L3MBTL4: variants seen among roughly 807,000 people sequenced by gnomAD.
L3MBTL4 encodes the protein L3MBTL histone methyl-lysine binding protein 4.
In L3MBTL4, 70 loss-of-function variants were observed where a neutral mutation model predicts 84.5. The observed-to-expected ratio is 0.83, with a 90% CI of 0.68 to 1.01. L3MBTL4 has a LOEUF of 1.01. Ranked by LOEUF, L3MBTL4 falls within the 50% of genes least tolerant of loss-of-function variation. L3MBTL4 has a pLI of 0.00. For synonymous variants in L3MBTL4, 274 were observed against 259.8 expected, an observed-to-expected ratio of 1.05 and a Z score of -0.52; for missense variants, 715 against 754.8, an observed-to-expected ratio of 0.95 and a Z score of 0.62.
At position 6,177,442 on chromosome 18, in the gene L3MBTL4, G is replaced by A. The variant is rs1334387224; in HGVS notation, c.982-5500C>T. 2.0e-5 allele frequency among the ~76,000 whole-genome samples: 3 copies of A among 152,224 alleles called. No homozygotes were observed. The East Asian group carries it at 5.8e-4, about 29-fold the overall frequency. On this transcript the variant is annotated intron_variant, in intron 12 of 18. Transcript: ENST00000317931. Reference sequence around the variant, plus strand: ...AAACCAGGTCCATGGTTGTCTGGGAGAAGGATGGGAGCAGGACTGGCTGAG... The same window carrying A: ...AAACCAGGTCCATGGTTGTCTGGGAAAAGGATGGGAGCAGGACTGGCTGAG...
intron 7 of L3MBTL4, among the ~76,000 whole-genome samples, chr18:6,242,609 G>A (rs1026871734): frequency 1.3e-5 from 2 of 152,150 alleles, no homozygotes; most frequent in Non-Finnish European, 2.9e-5. Context: ...TGGATAACTA[G>A]GAATAAAGGA....
At chr18:6,164,521 C>T (rs2043540452) in intron 13 of L3MBTL4, among the ~76,000 whole-genome samples, 1 of 152,190 alleles carries the variant, frequency 6.6e-6, no homozygotes, top group African/African-American at 2.4e-5. Flanking sequence ...TTGCAGTTCA[C>T]CAATGTACGC....
chr18:6,238,830 A>G (rs984762318), intron 9 of L3MBTL4, among the ~76,000 whole-genome samples: 1 of 149,938 alleles, frequency 6.7e-6, no homozygotes, highest in Admixed American at 6.6e-5. Flanking sequence ...CCACTGCCTC[A>G]GGCAGGGACA....
chr18:6,061,837 A>G (rs911364709), intron 16 of L3MBTL4, among the ~76,000 whole-genome samples: 11 of 151,858 alleles, frequency 7.2e-5, no homozygotes, highest in Admixed American at 2.0e-4. Context: ...TACACTTACA[A>G]CTTACCTAAG....
rs1225643813 is a variant in L3MBTL4 at position 6,231,105 on chromosome 18, G to C, written c.784+6859C>G. ...AATTAGGTCCCATTTGTCAATTTTT[G>C]GTTTTGCTGAAGTTGCTTTTGGTGT... On this transcript the variant is annotated intron_variant, in intron 10 of 18. Transcript: ENST00000317931. 2.0e-5 allele frequency among the ~76,000 whole-genome samples: 3 copies of C among 151,982 alleles called. No homozygotes were observed. In the East Asian group the frequency reaches 5.8e-4, roughly 29 times the overall value.
intron 16 of L3MBTL4, chr18:6,029,893 A>C: frequency 1.0e-6 from 1 of 985,374 alleles, no homozygotes. Flanking sequence ...GTAGATTCTC[A>C]CAAGCATGAG....
chr18:6,088,950 G>A (rs2058348221), intron 15 of L3MBTL4, among the ~76,000 whole-genome samples: 1 of 152,142 alleles, frequency 6.6e-6, no homozygotes, highest in Non-Finnish European at 1.5e-5. Flanking sequence ...GAAAAACAAA[G>A]TGAGCTTTAT....
At chr18:6,325,427 C>T (rs913119049) in intron 1 of L3MBTL4, among the ~76,000 whole-genome samples, 7 of 152,116 alleles carry the variant, frequency 4.6e-5, no homozygotes, top group African/African-American at 1.4e-4. Flanking sequence ...TCAAGTGATC[C>T]GCCTGACTCA....
At chr18:6,359,179 G>C (rs1295776091) in intron 1 of L3MBTL4, among the ~76,000 whole-genome samples, 1 of 152,168 alleles carries the variant, frequency 6.6e-6, no homozygotes, top group Non-Finnish European at 1.5e-5. Flanking sequence ...CTCAAACACA[G>C]CTGGGCACGG....
At chr18:6,301,588 A>G (rs904710213) in intron 4 of L3MBTL4, among the ~76,000 whole-genome samples, 2 of 152,218 alleles carry the variant, frequency 1.3e-5, no homozygotes, top group Non-Finnish European at 2.9e-5. Context: ...ACAAAGGATT[A>G]TTAAAAAACT....
At chr18:6,090,073 A>T (rs1340394411) in intron 15 of L3MBTL4, among the ~76,000 whole-genome samples, 3 of 152,198 alleles carry the variant, frequency 2.0e-5, no homozygotes, top group African/African-American at 7.2e-5. Context: ...AAAGAAACTC[A>T]AGTGTAAGCT....
intron 1 of L3MBTL4, among the ~76,000 whole-genome samples, chr18:6,386,303 A>G (rs1325628513): frequency 6.6e-6 from 1 of 152,232 alleles, no homozygotes; most frequent in Non-Finnish European, 1.5e-5. Flanking sequence ...CTTGGTGCAG[A>G]CGGCCTGCCA....
chr18:6,387,733 A>T (rs2054882290), intron 1 of L3MBTL4, among the ~76,000 whole-genome samples: 1 of 152,232 alleles, frequency 6.6e-6, no homozygotes, highest in Admixed American at 6.5e-5. Context: ...GAATAGGTGG[A>T]AGGTGGCAGT....
intron 12 of L3MBTL4, among the ~76,000 whole-genome samples, chr18:6,181,478 A>ACCATGCCC (rs1385922916): frequency 2.0e-5 from 3 of 151,838 alleles, no homozygotes; most frequent in African/African-American, 7.3e-5. Context: ...GGTGCGTGCC[A>ACCATGCCC]CCATGCCCAG....
chr18:6,215,956 C>T (rs1246826831), intron 10 of L3MBTL4, 121 bp from the exon 11 acceptor site: 1 of 531,598 alleles, frequency 1.9e-6, no homozygotes, highest in African/African-American at 1.9e-5. Flanking sequence ...TTAAACAGAC[C>T]TGATGCTAAG....
At chr18:6,170,667 C>A (rs888374720) in intron 13 of L3MBTL4, among the ~76,000 whole-genome samples, 2 of 152,054 alleles carry the variant, frequency 1.3e-5, no homozygotes, top group African/African-American at 4.8e-5. Flanking sequence ...TGCTGGTCCA[C>A]GCCTACCCCA....
chr18:6,309,967 T>A (rs8084668), intron 3 of L3MBTL4, among the ~76,000 whole-genome samples: 28,048 of 152,194 alleles, frequency 0.18, 2,687 homozygotes, highest in Middle Eastern at 0.22. Flanking sequence ...ATGAGTGGGC[T>A]TCAGAATCAC....
At position 6,033,988 on chromosome 18, in the gene L3MBTL4, T is replaced by G. The variant is rs558602885; in HGVS notation, c.1444+46893A>C. Among the ~76,000 whole-genome samples the G allele has an allele frequency of 2.0e-5, 3 of 152,358 alleles. No individual in the cohort carries two copies. In the South Asian group the frequency reaches 6.2e-4, roughly 32 times the overall value. On this transcript the variant is annotated intron_variant, in intron 16 of 18. Transcript: ENST00000317931. ...AGTTGTTTAAGGTATTTACCTTTAT[T>G]GAGATCTTTATTTCTTCACATGGCT...
intron 16 of L3MBTL4, among the ~76,000 whole-genome samples, chr18:6,015,203 TG>T (rs2054910338): frequency 6.6e-6 from 1 of 151,906 alleles, no homozygotes; most frequent in Non-Finnish European, 1.5e-5. Context: ...ATGGAGTAGA[TG>T]ATGTGCCCCA....
Sources: gnomAD v4.1 joint callset for allele counts (sites outside exome capture counted in the v4.1 genomes callset) on GRCh38, gnomAD v4.1.1 for gene constraint, MANE v1.5 for transcripts, NCBI Gene and HGNC (gene_info 2026-07-23, HGNC 2026-07-21) for gene names.